Variants in CNOT6L observed in about 807,000 individuals in gnomAD.
CNOT6L encodes CCR4-NOT transcription complex subunit 6-like.
Under a neutral mutation model 64.0 loss-of-function variants are expected in CNOT6L, and 7 were observed. The ratio of observed to expected loss-of-function variants is 0.11; its 90% CI spans 0.06 to 0.21. CNOT6L has a LOEUF of 0.21. CNOT6L is among the 10% of genes least tolerant of loss of function. The pLI is 1.00. For missense variants in CNOT6L, 245 were observed against 669.0 expected, an observed-to-expected ratio of 0.37 and a Z score of 6.99; for synonymous variants, 193 against 243.4, an observed-to-expected ratio of 0.79 and a Z score of 1.93.
chr4:77,777,287 GCA>G (rs1041130804), intron 1 of CNOT6L, among the ~76,000 whole-genome samples: 2 of 152,146 alleles, frequency 1.3e-5, no homozygotes, highest in African/African-American at 4.8e-5. Context: ...ATCAAAACTA[GCA>G]CAGTCATGTG....
intron 1 of CNOT6L, among the ~76,000 whole-genome samples, chr4:77,802,356 C>G (rs1474871644): frequency 1.3e-5 from 2 of 152,170 alleles, no homozygotes; most frequent in African/African-American, 4.8e-5. Context: ...TGCATATGCA[C>G]ATATCCTTTA....
intron 1 of CNOT6L, among the ~76,000 whole-genome samples, chr4:77,808,762 TCTTA>T (rs1409612933): frequency 2.4e-4 from 37 of 152,174 alleles, no homozygotes; most frequent in African/African-American, 8.2e-4. Flanking sequence ...CTATCTCCTC[TCTTA>T]CTTATCCCTG....
In CNOT6L at chr4:77,717,331, C is replaced by T. The variant is rs1015194421; in HGVS notation, c.*3100G>A. ...GAGAGAGTGGGTGACTTGACATGCA[C>T]TTGTATGACTGTAATAATGGCAAAC... On this transcript the variant is annotated 3_prime_UTR_variant, in exon 12 of 12. Transcript: ENST00000504123. 2 of 152,468 alleles carry T rather than the reference C, an allele frequency of 1.3e-5. No individual in the cohort carries two copies. The highest frequency in any genetic ancestry group is 2.9e-5 in the Non-Finnish European group (2 of 68,000). The allele number at this position is 152,468 out of a possible 1,614,324, so 9.4% of individuals were successfully genotyped here. A position where few individuals can be genotyped will look rare whatever the true frequency, so the allele number is the denominator to read the frequency against.
chr4:77,791,250 T>C (rs1730115033), intron 1 of CNOT6L, among the ~76,000 whole-genome samples: 1 of 152,190 alleles, frequency 6.6e-6, no homozygotes, highest in Non-Finnish European at 1.5e-5. Context: ...CACTCCAGCC[T>C]GAGCAACAAA....
chr4:77,774,147 G>A (rs191812096), intron 3 of CNOT6L, among the ~76,000 whole-genome samples: 30 of 152,218 alleles, frequency 2.0e-4, no homozygotes, highest in Admixed American at 4.6e-4. Context: ...GTTTCCTTAA[G>A]GAGCTGTATT....
chr4:77,750,194 T>C (rs999930710), intron 5 of CNOT6L, among the ~76,000 whole-genome samples: 1 of 152,190 alleles, frequency 6.6e-6, no homozygotes, highest in African/African-American at 2.4e-5. Flanking sequence ...TGTAAATGCC[T>C]ACCAGAAAGT....
intron 5 of CNOT6L, among the ~76,000 whole-genome samples, chr4:77,750,453 G>A (rs745552579): frequency 6.6e-6 from 1 of 152,186 alleles, no homozygotes; most frequent in East Asian, 1.9e-4. Flanking sequence ...CCGGGTTCAC[G>A]CCATTCTCCT....
intron 5 of CNOT6L, among the ~76,000 whole-genome samples, chr4:77,749,534 T>C (rs1044256365): frequency 1.9e-4 from 29 of 152,154 alleles, no homozygotes; most frequent in African/African-American, 6.8e-4. Flanking sequence ...CAGAAACTTC[T>C]AAAATAAAAC....
intron 9 of CNOT6L, among the ~76,000 whole-genome samples, chr4:77,730,800 T>C (rs1466706598): frequency 6.6e-6 from 1 of 152,198 alleles, no homozygotes; most frequent in Non-Finnish European, 1.5e-5. Context: ...TTGCTTAAAA[T>C]GTACTAGTAA....
At position 77,731,451 on chromosome 4, in the gene CNOT6L, C is replaced by T. The variant is rs1237045911; in HGVS notation, c.960G>A (p.Val320=). ...SDGSEAMLNR[V]MTKDNIGVAV... is the part of the protein sequence containing the mutation. ...CGACACCAATGTTATCTTTTGTCAT[C>T]ACTCTGTTCAGCATAGCTTCGGATC... Residue 320 remains valine, a synonymous_variant, in exon 9 of 12, where the codon GTG becomes GTA. Transcript: ENST00000504123. The T allele has an allele frequency of 3.7e-6, 6 of 1,612,696 alleles. No homozygotes were observed. In the Admixed American group the frequency reaches 5.0e-5, roughly 13 times the overall value.
intron 11 of CNOT6L, among the ~76,000 whole-genome samples, chr4:77,725,021 T>C (rs953438448): frequency 6.6e-6 from 1 of 152,152 alleles, no homozygotes; most frequent in Non-Finnish European, 1.5e-5. Context: ...CAGAGCTTTT[T>C]CCCAAAAAGC....
intron 11 of CNOT6L, among the ~76,000 whole-genome samples, chr4:77,721,770 A>G (rs1721303533): frequency 6.6e-6 from 1 of 152,070 alleles, no homozygotes; most frequent in Admixed American, 6.6e-5. Flanking sequence ...CAGGAGTTCA[A>G]GACCAGCCTG....
rs186750047 is a variant in CNOT6L at position 77,742,253 on chromosome 4, A to G, written c.760T>C (p.Leu254=). The G allele has an allele frequency of 2.2e-4, 349 of 1,612,762 alleles. No individual in the cohort carries two copies. The African/African-American group carries it at 4.2e-3, about 19-fold the overall frequency. Residue 254 remains leucine, a synonymous_variant, in exon 8 of 12, where the codon TTG becomes CTG. Transcript: ENST00000504123. ...AATCCATCATATCCACGCTCCTTCA[A>G]TGCTGGCAGAAAGAGAGTGAAGTAT... is the stretch of plus-strand genomic sequence containing the variant. ...EQYFTLFLPA[L]KERGYDGFFS... is the part of the protein sequence containing the mutation.
intron 6 of CNOT6L, 47 bp downstream of exon 6, chr4:77,748,269 T>C: frequency 7.8e-7 from 1 of 1,273,900 alleles, no homozygotes; most frequent in South Asian, 1.2e-5. Flanking sequence ...CCAAATAACA[T>C]TTTAAGAATT....
intron 1 of CNOT6L, among the ~76,000 whole-genome samples, chr4:77,788,821 C>T (rs1396081035): frequency 7.3e-5 from 11 of 149,934 alleles, no homozygotes; most frequent in Non-Finnish European, 1.6e-4. Context: ...TCATTCTAAA[C>T]GGAAAAAAAA....
intron 1 of CNOT6L, 116 bp downstream of exon 1, chr4:77,819,188 A>G (rs1193197493): frequency 1.6e-5 from 25 of 1,601,010 alleles, no homozygotes; most frequent in Non-Finnish European, 2.0e-5. Flanking sequence ...CCGCCCGCCA[A>G]AGTCCCAACT....
intron 5 of CNOT6L, among the ~76,000 whole-genome samples, chr4:77,751,323 CAGG>C (rs1230746563): frequency 6.6e-6 from 1 of 152,010 alleles, no homozygotes; most frequent in Non-Finnish European, 1.5e-5. Flanking sequence ...GAGAACGAAT[CAGG>C]AGAACTTAGT....
chr4:77,724,783 T>A (rs1472837296), intron 11 of CNOT6L, among the ~76,000 whole-genome samples: 3 of 152,184 alleles, frequency 2.0e-5, no homozygotes, highest in Non-Finnish European at 4.4e-5. Flanking sequence ...TGGGTTACGC[T>A]GGCAGATATA....
At chr4:77,805,370 CA>C (rs1193149810) in intron 1 of CNOT6L, among the ~76,000 whole-genome samples, 20 of 152,172 alleles carry the variant, frequency 1.3e-4, no homozygotes, top group African/African-American at 4.6e-4. Flanking sequence ...GGAGCTAGTA[CA>C]AGCAAAGGTA....
Sources: gnomAD v4.1 joint callset for allele counts (sites outside exome capture counted in the v4.1 genomes callset) on GRCh38, gnomAD v4.1.1 for gene constraint, MANE v1.5 for transcripts, NCBI Gene and HGNC (gene_info 2026-07-23, HGNC 2026-07-21) for gene names.